Variants in TNR observed in about 807,000 individuals in gnomAD.
The protein encoded by TNR is tenascin R.
TNR carries 45 observed loss-of-function variants against 150.4 expected under a neutral mutation model. That is an observed-to-expected ratio of 0.30 (90% CI 0.24 to 0.38). The LOEUF is 0.38. Ranked by LOEUF, TNR falls within the 10% of genes least tolerant of loss-of-function variation. The pLI is 1.00. For missense variants in TNR, 1,544 were observed against 1,759.1 expected, an observed-to-expected ratio of 0.88 and a Z score of 2.19; for synonymous variants, 687 against 678.4, an observed-to-expected ratio of 1.01 and a Z score of -0.20.
intron 2 of TNR, among the ~76,000 whole-genome samples, chr1:175,427,590 T>A (rs1306196481): frequency 6.6e-6 from 1 of 152,204 alleles, no homozygotes. Context: ...CAAGTGTTTA[T>A]CATGGTTTAT....
intron 1 of TNR, among the ~76,000 whole-genome samples, chr1:175,686,437 C>T (rs12077404): frequency 0.26 from 39,870 of 151,790 alleles, 6,190 homozygotes; most frequent in East Asian, 0.66. Context: ...AGTTCCTGGC[C>T]AGTCTTAGTT....
At chr1:175,588,543 C>T (rs1162039187) in intron 1 of TNR, among the ~76,000 whole-genome samples, 1 of 151,870 alleles carries the variant, frequency 6.6e-6, no homozygotes, top group Non-Finnish European at 1.5e-5. Context: ...AGCAGTGAAA[C>T]TTTTTCTCTC....
Position 175,355,438 on chromosome 1 carries a change from C to G in TNR, c.3249+65G>C, listed in dbSNP as rs1406465442. ...CCTCCAATGTCCTGTGGTCACTCCA[C>G]TAGTCAGTTTCCACATGGCCTCACT... On this transcript the variant is annotated intron_variant, in intron 17 of 22. Transcript: ENST00000367674. 9 of 1,585,796 alleles carry G rather than the reference C, an allele frequency of 5.7e-6. No individual in the cohort carries two copies. The African/African-American group carries it at 9.4e-5, about 17-fold the overall frequency.
At chr1:175,550,050 AG>A (rs779040234) in intron 1 of TNR, among the ~76,000 whole-genome samples, 4 of 152,228 alleles carry the variant, frequency 2.6e-5, no homozygotes, top group Non-Finnish European at 5.9e-5. Flanking sequence ...AAGCCCATAA[AG>A]GGAGGCTATT....
At chr1:175,451,472 G>A (rs1557942358) in intron 2 of TNR, among the ~76,000 whole-genome samples, 1 of 214 alleles carries the variant, frequency 4.7e-3, no homozygotes, top group African/African-American at 7.8e-3. Context: ...TGATCTAGAA[G>A]CCAGCCGCCA....
chr1:175,505,863 A>G (rs1658939353), intron 2 of TNR, among the ~76,000 whole-genome samples: 1 of 151,090 alleles, frequency 6.6e-6, no homozygotes, highest in African/African-American at 2.4e-5. Context: ...CAACATGGCA[A>G]AACCCTGTCT....
At chr1:175,331,107 C>T (rs57291371) in intron 20 of TNR, among the ~76,000 whole-genome samples, 2,232 of 42,644 alleles carry the variant, frequency 0.052, 121 homozygotes, top group African/African-American at 0.074. Flanking sequence ...CTTTCTCTCT[C>T]TCTTTCTTTT....
At chr1:175,686,486 T>C (rs1485019046) in intron 1 of TNR, among the ~76,000 whole-genome samples, 1 of 152,220 alleles carries the variant, frequency 6.6e-6, no homozygotes, top group African/African-American at 2.4e-5. Flanking sequence ...TTAGGGATTC[T>C]TATTTTATTT....
chr1:175,345,138 C>A (rs1257575414), intron 18 of TNR, among the ~76,000 whole-genome samples: 1 of 151,836 alleles, frequency 6.6e-6, no homozygotes, highest in African/African-American at 2.4e-5. Flanking sequence ...AAAACAACAA[C>A]AAAAAAACCC....
intron 1 of TNR, among the ~76,000 whole-genome samples, chr1:175,632,178 C>A (rs1664347975): frequency 6.6e-6 from 1 of 152,228 alleles, no homozygotes; most frequent in East Asian, 1.9e-4. Context: ...GTTTCATTAT[C>A]CACAGGGTTG....
chr1:175,450,136 C>T (rs1656235881), intron 2 of TNR, among the ~76,000 whole-genome samples: 1 of 152,326 alleles, frequency 6.6e-6, no homozygotes, highest in African/African-American at 2.4e-5. Context: ...GCATTTACTG[C>T]ATCTTCTGGA....
intron 1 of TNR, among the ~76,000 whole-genome samples, chr1:175,529,945 T>G (rs563059858): frequency 6.6e-6 from 1 of 152,378 alleles, no homozygotes; most frequent in Admixed American, 6.5e-5. Flanking sequence ...TATTGTTACC[T>G]ATTTCTCCAA....
At chr1:175,424,009 T>C (rs1341133413) in intron 2 of TNR, among the ~76,000 whole-genome samples, 1 of 152,104 alleles carries the variant, frequency 6.6e-6, no homozygotes, top group Non-Finnish European at 1.5e-5. Context: ...GAAAAAAAAG[T>C]TTTTTTCTGA....
intron 1 of TNR, among the ~76,000 whole-genome samples, chr1:175,535,438 T>C (rs1571573466): frequency 7.3e-6 from 1 of 136,430 alleles, no homozygotes. Context: ...TTTATTTATT[T>C]ATTTATTTTT....
intron 2 of TNR, among the ~76,000 whole-genome samples, chr1:175,481,258 ATG>A (rs1332395226): frequency 3.3e-5 from 5 of 152,204 alleles, no homozygotes; most frequent in African/African-American, 9.7e-5. Flanking sequence ...GAATGAATGA[ATG>A]TGAATTATCT....
At chr1:175,712,944 A>G (rs745660035) in intron 1 of TNR, among the ~76,000 whole-genome samples, 2 of 152,190 alleles carry the variant, frequency 1.3e-5, no homozygotes, top group Non-Finnish European at 2.9e-5. Context: ...CATAAAGAAA[A>G]AGTCCATGAT....
chr1:175,361,840 T>C (rs1651602726), intron 14 of TNR, among the ~76,000 whole-genome samples: 1 of 152,204 alleles, frequency 6.6e-6, no homozygotes. Context: ...AATCTTTGCA[T>C]GTTCTGCCTG....
At chr1:175,464,393 A>G (rs961385791) in intron 2 of TNR, among the ~76,000 whole-genome samples, 1 of 152,196 alleles carries the variant, frequency 6.6e-6, no homozygotes, top group Non-Finnish European at 1.5e-5. Context: ...AAGACAATAG[A>G]TGATACAAAA....
chr1:175,542,171 A>C (rs532971317), intron 1 of TNR, among the ~76,000 whole-genome samples: 1 of 152,334 alleles, frequency 6.6e-6, no homozygotes, highest in African/African-American at 2.4e-5. Context: ...AAGGGAAAAG[A>C]GAAAGACCAA....
Sources: allele counts gnomAD v4.1 joint callset (sites outside exome capture counted in the v4.1 genomes callset), GRCh38; gene constraint gnomAD v4.1.1; transcripts MANE v1.5; gene names NCBI Gene and HGNC (gene_info 2026-07-23, HGNC 2026-07-21).